Variants in NCK1 observed in about 807,000 individuals in gnomAD.
The protein encoded by NCK1 is NCK adaptor protein 1.
In NCK1, 19 loss-of-function variants were observed where a neutral mutation model predicts 36.6. The observed-to-expected ratio is 0.52, with a 90% CI of 0.36 to 0.76. NCK1 has a LOEUF of 0.76. NCK1 is among the 30% of genes least tolerant of loss of function. The probability of loss-of-function intolerance (pLI) is 0.00; values close to 1 mark genes in which losing one functional copy is unlikely to be tolerated. For synonymous variants in NCK1, 165 were observed against 156.0 expected, an observed-to-expected ratio of 1.06 and a Z score of -0.43; for missense variants, 358 against 445.6, an observed-to-expected ratio of 0.80 and a Z score of 1.77.
intron 1 of NCK1, among the ~76,000 whole-genome samples, chr3:136,886,480 A>G (rs376574104): frequency 3.3e-5 from 5 of 152,058 alleles, no homozygotes; most frequent in Admixed American, 2.6e-4. Context: ...AGTTAATGCT[A>G]TATTGTTTAG....
chr3:136,890,631 C>T (rs1398173359), intron 1 of NCK1, among the ~76,000 whole-genome samples: 2 of 152,204 alleles, frequency 1.3e-5, no homozygotes, highest in Admixed American at 1.3e-4. Context: ...TTTATGCATT[C>T]ATCAGTTTAC....
At chr3:136,893,189 T>TACACACACACACACACAC (rs1487055285) in intron 1 of NCK1, among the ~76,000 whole-genome samples, 4 of 123,180 alleles carry the variant, frequency 3.2e-5, no homozygotes, top group East Asian at 5.3e-4. Context: ...TATATATATA[T>TACACACACACACACACAC]ATACACACAT....
intron 1 of NCK1, among the ~76,000 whole-genome samples, chr3:136,906,561 A>G (rs1939691523): frequency 6.6e-6 from 1 of 152,158 alleles, no homozygotes; most frequent in African/African-American, 2.4e-5. Flanking sequence ...CCAATCTTTG[A>G]GCCTCCAGGT....
At chr3:136,940,147 G>A (rs1257887826) in intron 2 of NCK1, among the ~76,000 whole-genome samples, 1 of 152,168 alleles carries the variant, frequency 6.6e-6, no homozygotes, top group South Asian at 2.1e-4. Context: ...ACAGGCTTGA[G>A]CCACTGTGCC....
intron 1 of NCK1, among the ~76,000 whole-genome samples, chr3:136,919,818 A>G (rs1940060329): frequency 6.6e-6 from 1 of 152,294 alleles, no homozygotes; most frequent in East Asian, 1.9e-4. Context: ...CCTAAGGAAA[A>G]TGTAAGGAAC....
At chr3:136,928,522 T>C (rs889731199) in intron 2 of NCK1, 1 of 318,638 alleles carries the variant, frequency 3.1e-6, no homozygotes, top group Non-Finnish European at 5.7e-6. Flanking sequence ...TGTTGGAGTT[T>C]AGACTTATAG....
At chr3:136,910,301 A>G (rs953419241) in intron 1 of NCK1, among the ~76,000 whole-genome samples, 1 of 152,152 alleles carries the variant, frequency 6.6e-6, no homozygotes, top group African/African-American at 2.4e-5. Context: ...TACCAGCTTA[A>G]CTTCAGTAAC....
At chr3:136,890,073 C>T (rs945711070) in intron 1 of NCK1, among the ~76,000 whole-genome samples, 14 of 152,130 alleles carry the variant, frequency 9.2e-5, no homozygotes, top group Non-Finnish European at 1.6e-4. Flanking sequence ...TGGGGAGGCT[C>T]GGGCGGCACA....
chr3:136,939,747 C>T (rs1391662080), intron 2 of NCK1, among the ~76,000 whole-genome samples: 2 of 151,334 alleles, frequency 1.3e-5, no homozygotes, highest in Admixed American at 1.3e-4. Flanking sequence ...TGTTAATTTT[C>T]CAGTTTTCCT....
At chr3:136,895,047 G>A (rs954522855) in intron 1 of NCK1, among the ~76,000 whole-genome samples, 6 of 151,902 alleles carry the variant, frequency 3.9e-5, no homozygotes, top group African/African-American at 1.5e-4. Context: ...AGCTAATTTT[G>A]TATTTTTAGT....
chr3:136,887,842 C>T (rs1307792311), intron 1 of NCK1, among the ~76,000 whole-genome samples: 1 of 152,150 alleles, frequency 6.6e-6, no homozygotes, highest in African/African-American at 2.4e-5. Context: ...GTGTTACACA[C>T]TGATGATAAA....
rs1940360711 is a variant in NCK1, at chr3:136,930,388, A to G, written c.226+2161A>G. ...CAGGCTGTGTTATAATTTAGAGGAA[A>G]AAAAAGTTTTGGAAAGAGAAGCCTC... On this transcript the variant is annotated intron_variant, in intron 2 of 3. Coordinates refer to ENST00000481752, the MANE Select transcript of NCK1 (RefSeq NM_001291999.2). 2.5e-6 allele frequency: 3 copies of G among 1,177,564 alleles called. No homozygotes were observed. The East Asian group carries it at 9.7e-5, about 38-fold the overall frequency. 72.9% of individuals were successfully genotyped at this position (1,177,564 alleles called of 1,614,324 possible). A position where few individuals can be genotyped will look rare whatever the true frequency, so the allele number is the denominator to read the frequency against.
chr3:136,916,325 T>A (rs1939962482), intron 1 of NCK1, among the ~76,000 whole-genome samples: 1 of 152,344 alleles, frequency 6.6e-6, no homozygotes, highest in East Asian at 1.9e-4. Context: ...TCTCAAATGT[T>A]ATGATTAGTC....
At chr3:136,887,702 G>A (rs952710148) in intron 1 of NCK1, among the ~76,000 whole-genome samples, 5 of 152,120 alleles carry the variant, frequency 3.3e-5, no homozygotes, top group Non-Finnish European at 5.9e-5. Context: ...TTTAGCATTA[G>A]GTAGGAGAAG....
Position 136,948,537 on chromosome 3 carries a change from T to C in NCK1, c.*84T>C. 1.7e-6 allele frequency: 2 copies of C among 1,192,598 alleles called. No homozygotes were observed. Among genetic ancestry groups the C allele is most frequent in the South Asian group, 3.0e-5 (2 of 67,094 alleles). The allele number at this position is 1,192,598 out of a possible 1,614,324, so 73.9% of individuals were successfully genotyped here. ...AGAAAATGTTGGGTCCAGTCGTGCT[T>C]GATTGGAAATTGTTGTTTCTAAATC... is the stretch of plus-strand genomic sequence containing the variant. On this transcript the variant is annotated 3_prime_UTR_variant, in exon 4 of 4. Transcript: ENST00000481752.
chr3:136,922,474 GCCTTTTCAGGTAAGGAACTTGATGGAGT>G (rs1940137828), intron 1 of NCK1, among the ~76,000 whole-genome samples: 1 of 152,164 alleles, frequency 6.6e-6, no homozygotes, highest in Non-Finnish European at 1.5e-5. Flanking sequence ...GCCATGTGGA[GCCTTTTCAGGTAAGGAACTTGATGGAGT>G]TGGAGTCATT....
intron 1 of NCK1, among the ~76,000 whole-genome samples, chr3:136,907,859 T>G (rs192391378): frequency 4.8e-4 from 73 of 152,348 alleles, no homozygotes; most frequent in African/African-American, 1.7e-3. Flanking sequence ...TCCTCAGTGC[T>G]ACAGGTATTA....
At chr3:136,862,782 CA>C (rs1194660142) in intron 1 of NCK1, among the ~76,000 whole-genome samples, 2 of 152,242 alleles carry the variant, frequency 1.3e-5, no homozygotes, top group Non-Finnish European at 2.9e-5. Context: ...AGGGCGCTCT[CA>C]CCTCCAGCCC....
In NCK1 at chr3:136,951,370, G is replaced by A. The variant is rs901089406; in HGVS notation, c.*2917G>A. Among the ~76,000 whole-genome samples, 1 of 152,136 alleles carries A rather than the reference G, an allele frequency of 6.6e-6. No homozygotes were observed. The highest frequency in any genetic ancestry group is 1.5e-5 in the Non-Finnish European group (1 of 68,010). On this transcript the variant is annotated 3_prime_UTR_variant, in exon 4 of 4. Coordinates refer to ENST00000481752, the MANE Select transcript of NCK1 (RefSeq NM_001291999.2). The stretch of plus-strand genomic sequence containing the variant: ...CACAGTGGCCTTATACAGAAATGTT[G>A]TTCAACCCACACAGTGCTTTAAAAA...
Sources: allele counts gnomAD v4.1 joint callset (sites outside exome capture counted in the v4.1 genomes callset), GRCh38; gene constraint gnomAD v4.1.1; transcripts MANE v1.5; gene names NCBI Gene and HGNC (gene_info 2026-07-23, HGNC 2026-07-21).